The following SPATA16 variants were observed in gnomAD, a reference collection of about 807,000 sequenced individuals.
The protein encoded by SPATA16 is spermatogenesis associated 16.
A neutral mutation model predicts 63.3 loss-of-function variants in SPATA16; 36 were observed. The ratio of observed to expected loss-of-function variants is 0.57; its 90% CI spans 0.44 to 0.75. The LOEUF (loss-of-function observed/expected upper bound fraction) is 0.75. Among genes scored for constraint, SPATA16 ranks in the 30% least tolerant of loss-of-function variants. SPATA16 has a pLI of 0.00. For synonymous variants in SPATA16, 203 were observed against 216.7 expected, an observed-to-expected ratio of 0.94 and a Z score of 0.56; for missense variants, 646 against 679.3, an observed-to-expected ratio of 0.95 and a Z score of 0.54.
In SPATA16 at chr3:173,127,664, C is replaced by T. The variant is rs544641160; in HGVS notation, c.-18-9915G>A. Reference sequence around the variant, plus strand: ...CGGCCTCAGCCAGAATACTACAGAACGAATAATGTTGTGTGTTTCTCAGGG... The same window carrying T: ...CGGCCTCAGCCAGAATACTACAGAATGAATAATGTTGTGTGTTTCTCAGGG... On this transcript the variant is annotated intron_variant, in intron 1 of 10. Transcript: ENST00000351008. Among the ~76,000 whole-genome samples the T allele has an allele frequency of 5.3e-5, 8 of 152,338 alleles. No homozygotes were observed. The South Asian group carries it at 6.2e-4, about 12-fold the overall frequency.
intron 8 of SPATA16, among the ~76,000 whole-genome samples, chr3:172,920,327 C>G (rs1187688439): frequency 6.6e-6 from 1 of 152,152 alleles, no homozygotes; most frequent in Middle Eastern, 3.2e-3. Context: ...AACCATAGTT[C>G]CAAAGTAGAA....
chr3:173,083,524 A>G lies in SPATA16; in HGVS notation c.612+33596T>C, dbSNP rs112191073. On this transcript the variant is annotated intron_variant, in intron 2 of 10. Coordinates refer to ENST00000351008, the MANE Select transcript of SPATA16 (RefSeq NM_031955.6). ...ATTTTAAGTTCTGAGGTACATGTGC[A>G]GGATATGTAGGTTTGTCACATAGGT... 2.7e-3 allele frequency among the ~76,000 whole-genome samples: 418 copies of G among 152,282 alleles called. 1 individual carries two copies. The highest frequency in any genetic ancestry group is 9.6e-3 in the African/African-American group (398 of 41,566).
chr3:172,971,546 C>T (rs1216205782), intron 5 of SPATA16, among the ~76,000 whole-genome samples: 10 of 152,084 alleles, frequency 6.6e-5, no homozygotes, highest in Non-Finnish European at 1.3e-4. Flanking sequence ...TAATAGTTTG[C>T]GCTAGAATAT....
intron 8 of SPATA16, among the ~76,000 whole-genome samples, chr3:172,923,463 A>G (rs780731426): frequency 2.6e-5 from 4 of 152,328 alleles, no homozygotes; most frequent in Non-Finnish European, 4.4e-5. Context: ...AAGAACATCA[A>G]ATCAATGATG....
chr3:173,061,857 T>C (rs7631047), intron 2 of SPATA16, among the ~76,000 whole-genome samples: 30,614 of 152,052 alleles, frequency 0.2, 3,732 homozygotes, highest in African/African-American at 0.35. Flanking sequence ...ATTATATTCA[T>C]ACATCAGTGG....
chr3:173,052,945 C>T (rs1482123472), intron 2 of SPATA16, among the ~76,000 whole-genome samples: 1 of 147,542 alleles, frequency 6.8e-6, no homozygotes, highest in Non-Finnish European at 1.5e-5. Flanking sequence ...TCAAAAGAAA[C>T]CCTAAAATAT....
chr3:173,101,219 G>A (rs913081103), intron 2 of SPATA16, among the ~76,000 whole-genome samples: 1 of 152,084 alleles, frequency 6.6e-6, no homozygotes, highest in African/African-American at 2.4e-5. Flanking sequence ...AATGGTAGGG[G>A]GGATAATACT....
At position 172,889,536 on chromosome 3, in the gene SPATA16, G is replaced by C. The variant is rs2109536016; in HGVS notation, c.*34C>G. On this transcript the variant is annotated 3_prime_UTR_variant, in exon 11 of 11. Transcript: ENST00000351008. ...GTGGATGCCCTTGCCTCTTCTTCTGGGATATCTTAGTGGTAGTGCCTGCTC... is the reference window on the plus strand; with the variant it reads ...GTGGATGCCCTTGCCTCTTCTTCTGCGATATCTTAGTGGTAGTGCCTGCTC... 1 of 1,612,818 alleles carries C rather than the reference G, an allele frequency of 6.2e-7. No homozygotes were observed.
chr3:173,069,796 T>G (rs915494424), intron 2 of SPATA16, among the ~76,000 whole-genome samples: 1 of 152,214 alleles, frequency 6.6e-6, no homozygotes, highest in African/African-American at 2.4e-5. Flanking sequence ...TATGATCAAG[T>G]AGAATTTATC....
chr3:173,066,223 G>T (rs901220225), intron 2 of SPATA16, among the ~76,000 whole-genome samples: 8 of 152,246 alleles, frequency 5.3e-5, no homozygotes, highest in African/African-American at 1.9e-4. Context: ...GCCAGAAGGG[G>T]AACTGCTGGC....
At chr3:172,908,511 T>C (rs1279606363) in intron 10 of SPATA16, among the ~76,000 whole-genome samples, 1 of 152,208 alleles carries the variant, frequency 6.6e-6, no homozygotes, top group Non-Finnish European at 1.5e-5. Context: ...TTCTGTCTCT[T>C]TCTGGGCTCT....
intron 3 of SPATA16, among the ~76,000 whole-genome samples, chr3:173,043,635 T>C (rs557103538): frequency 2.6e-5 from 4 of 152,158 alleles, no homozygotes; most frequent in African/African-American, 4.8e-5. Context: ...TTTATCATTT[T>C]CATATAATAG....
chr3:173,063,084 T>A (rs1736424036), intron 2 of SPATA16, among the ~76,000 whole-genome samples: 1 of 152,238 alleles, frequency 6.6e-6, no homozygotes, highest in African/African-American at 2.4e-5. Flanking sequence ...CTAATATTGC[T>A]TTCTTAATTT....
At chr3:172,929,202 A>G (rs1313090142) in intron 6 of SPATA16, among the ~76,000 whole-genome samples, 2 of 152,244 alleles carry the variant, frequency 1.3e-5, no homozygotes, top group Non-Finnish European at 2.9e-5. Flanking sequence ...ATTGGAGATG[A>G]AATTTATATG....
chr3:173,023,862 T>C (rs1312277209), intron 3 of SPATA16, among the ~76,000 whole-genome samples: 2 of 151,396 alleles, frequency 1.3e-5, no homozygotes, highest in African/African-American at 4.8e-5. Flanking sequence ...TGCACACACA[T>C]ATTTGCATAT....
chr3:173,030,920 A>G (rs568665621), intron 3 of SPATA16, among the ~76,000 whole-genome samples: 53 of 152,226 alleles, frequency 3.5e-4, no homozygotes, highest in African/African-American at 1.3e-3. Context: ...AAATTAAGAC[A>G]CATGCTACAA....
At chr3:173,017,152 A>G (rs1418809789) in intron 4 of SPATA16, among the ~76,000 whole-genome samples, 1 of 152,222 alleles carries the variant, frequency 6.6e-6, no homozygotes, top group Non-Finnish European at 1.5e-5. Flanking sequence ...TATACTGTAT[A>G]TTGAAGGCTA....
intron 9 of SPATA16, among the ~76,000 whole-genome samples, chr3:172,914,826 T>C (rs997015327): frequency 6.6e-6 from 1 of 152,042 alleles, no homozygotes; most frequent in African/African-American, 2.4e-5. Context: ...GAAAGGAATG[T>C]CAATAATGCT....
At chr3:172,937,539 C>T (rs1733032573) in intron 6 of SPATA16, among the ~76,000 whole-genome samples, 3 of 152,234 alleles carry the variant, frequency 2.0e-5, no homozygotes, top group African/African-American at 7.2e-5. Context: ...TTGAGCTGAA[C>T]TTCAGTCACT....
Sources: gnomAD v4.1 joint callset for allele counts (sites outside exome capture counted in the v4.1 genomes callset) on GRCh38, gnomAD v4.1.1 for gene constraint, MANE v1.5 for transcripts, NCBI Gene and HGNC (gene_info 2026-07-23, HGNC 2026-07-21) for gene names.